Variants in FAM149B1 observed in about 807,000 individuals in gnomAD.
FAM149B1 encodes family with sequence similarity 149 member B1.
FAM149B1 carries 56 observed loss-of-function variants against 75.3 expected under a neutral mutation model. The ratio of observed to expected loss-of-function variants is 0.74; its 90% CI spans 0.60 to 0.93. The LOEUF is 0.93. Ranked by LOEUF, FAM149B1 falls within the 40% of genes least tolerant of loss-of-function variation. The pLI is 0.00. For missense variants in FAM149B1, 639 were observed against 708.4 expected, an observed-to-expected ratio of 0.90 and a Z score of 1.11; for synonymous variants, 259 against 256.1, an observed-to-expected ratio of 1.01 and a Z score of -0.11.
At chr10:73,224,184 G>A (rs2043481195) in intron 7 of FAM149B1, among the ~76,000 whole-genome samples, 1 of 152,102 alleles carries the variant, frequency 6.6e-6, no homozygotes, top group Non-Finnish European at 1.5e-5. Flanking sequence ...AGAGGCTGGT[G>A]GTAAAGATTT....
rs774172961 is a variant in FAM149B1 at position 73,230,457 on chromosome 10, T to C, written c.1059T>C (p.Asn353=). The change falls in exon 9 of 14, where the codon AAT becomes AAC. Residue 353 remains asparagine, a synonymous_variant. Coordinates refer to ENST00000242505, the MANE Select transcript of FAM149B1 (RefSeq NM_173348.2). ...GTCAAGCAAGCAGACATCAGCCAAA[T>C]GTGAATGATCTCTTGGTTCATGGAA... ...SLCQASRHQP[N]VNDLLVHGMP... The C allele has an allele frequency of 1.9e-6, 3 of 1,550,142 alleles. No homozygotes were observed. The highest frequency in any genetic ancestry group is 1.4e-5 in the African/African-American group (1 of 72,992).
Position 73,235,559 on chromosome 10 carries a change from T to C in FAM149B1, c.1602+241T>C. 1.3e-5 allele frequency: 10 copies of C among 789,530 alleles called. 1 individual carries two copies. The highest frequency in any genetic ancestry group is 8.9e-4 in the Middle Eastern group (2 of 2,258). 48.9% of individuals were successfully genotyped at this position (789,530 alleles called of 1,614,324 possible). On this transcript the variant is annotated intron_variant, in intron 12 of 13. Transcript: ENST00000242505. ...TCTAAGCAATTTAACACTTAAGATA[T>C]GTCTGACCACAAGCAAGAATATTAA...
In FAM149B1 at chr10:73,233,093, C is replaced by T. The variant is rs776595563; in HGVS notation, c.1282C>T (p.Pro428Ser). ...CAATCCACCACCACGAACTCTTCAT[C>T]CGATCAGCACGAGCCATTCATGTGC... ...RRNPPPRTLHPISTSHSCAET... is the reference protein window; with the variant it reads ...RRNPPPRTLHSISTSHSCAET... The change falls in exon 10 of 14, where the codon CCG (proline) becomes TCG (serine). Residue 428 changes from proline to serine, a missense_variant. Transcript: ENST00000242505. The T allele has an allele frequency of 1.1e-5, 17 of 1,551,702 alleles. No homozygotes were observed. The highest frequency in any genetic ancestry group is 1.5e-5 in the Non-Finnish European group (17 of 1,146,998).
chr10:73,201,446 G>T (rs2042936396), intron 5 of FAM149B1, among the ~76,000 whole-genome samples: 1 of 152,158 alleles, frequency 6.6e-6, no homozygotes, highest in African/African-American at 2.4e-5. Context: ...GTTAGGATAG[G>T]TATAAAAGAT....
At chr10:73,170,838 G>T (rs534949506) in intron 1 of FAM149B1, among the ~76,000 whole-genome samples, 88 of 152,188 alleles carry the variant, frequency 5.8e-4, no homozygotes, top group South Asian at 6.2e-4. Flanking sequence ...AGTGACTGAG[G>T]TTTAGCTAAA....
At chr10:73,225,661 T>C (rs1035872895) in intron 7 of FAM149B1, among the ~76,000 whole-genome samples, 3 of 152,226 alleles carry the variant, frequency 2.0e-5, no homozygotes, top group African/African-American at 7.2e-5. Flanking sequence ...ACAGTGTTTA[T>C]AGACAGTCCA....
At chr10:73,173,376 T>C (rs1843798311) in intron 1 of FAM149B1, among the ~76,000 whole-genome samples, 2 of 152,208 alleles carry the variant, frequency 1.3e-5, no homozygotes, top group Non-Finnish European at 2.9e-5. Flanking sequence ...TATAGTTCTT[T>C]CTATGCAATT....
At chr10:73,212,304 G>C (rs773266641) in intron 7 of FAM149B1, among the ~76,000 whole-genome samples, 1 of 152,158 alleles carries the variant, frequency 6.6e-6, no homozygotes, top group African/African-American at 2.4e-5. Context: ...TTTTGAGACA[G>C]AGTTTCACTC....
At position 73,241,478 on chromosome 10, in the gene FAM149B1, C is replaced by G. The variant is rs1377517912; in HGVS notation, c.*459C>G. 1 of 171,046 alleles carries G rather than the reference C, an allele frequency of 5.8e-6. No homozygotes were observed. The highest frequency in any genetic ancestry group is 1.3e-5 in the Non-Finnish European group (1 of 79,008). 10.6% of individuals were successfully genotyped at this position (171,046 alleles called of 1,614,324 possible). A position where few individuals can be genotyped will look rare whatever the true frequency, so the allele number is the denominator to read the frequency against. ...TTTAAGTCATTTTGCTGTTGAAAAT[C>G]TGACCTCATCAAATAGATGTCATTC... On this transcript the variant is annotated 3_prime_UTR_variant, in exon 14 of 14. Transcript: ENST00000242505.
At chr10:73,201,471 T>G (rs1421129183) in intron 5 of FAM149B1, among the ~76,000 whole-genome samples, 3 of 152,248 alleles carry the variant, frequency 2.0e-5, no homozygotes, top group Admixed American at 6.5e-5. Flanking sequence ...TCTAAAATTT[T>G]TCTTTCTTAG....
intron 5 of FAM149B1, among the ~76,000 whole-genome samples, chr10:73,198,716 A>G (rs2042863384): frequency 6.6e-6 from 1 of 152,164 alleles, no homozygotes; most frequent in Non-Finnish European, 1.5e-5. Context: ...GAGGCAGGAG[A>G]ATTGCTTGAA....
chr10:73,226,364 G>C lies in FAM149B1; in HGVS notation c.899-1696G>C, dbSNP rs12220285. ...TACTAAAAATACAAAAATTAAGCGGGTGTGGTGGCGGGCACCTGTAGTCCC... is the reference window on the plus strand; with the variant it reads ...TACTAAAAATACAAAAATTAAGCGGCTGTGGTGGCGGGCACCTGTAGTCCC... On this transcript the variant is annotated intron_variant, in intron 7 of 13. Coordinates refer to ENST00000242505, the MANE Select transcript of FAM149B1 (RefSeq NM_173348.2). Among the ~76,000 whole-genome samples, 3 of 152,250 alleles carry C rather than the reference G, an allele frequency of 2.0e-5. No individual in the cohort carries two copies. In the East Asian group the frequency reaches 5.8e-4, roughly 29 times the overall value.
At position 73,241,361 on chromosome 10, in the gene FAM149B1, C is replaced by T. The variant is rs2043948219; in HGVS notation, c.*342C>T. Reference sequence around the variant, plus strand: ...AATCATATAGGATTTGATGAGCTCACACATACACAAAAAGCAGCAAATCAT... The same window carrying T: ...AATCATATAGGATTTGATGAGCTCATACATACACAAAAAGCAGCAAATCAT... On this transcript the variant is annotated 3_prime_UTR_variant, in exon 14 of 14. Coordinates refer to ENST00000242505, the MANE Select transcript of FAM149B1 (RefSeq NM_173348.2). 2 of 249,396 alleles carry T rather than the reference C, an allele frequency of 8.0e-6. No homozygotes were observed. Among genetic ancestry groups the T allele is most frequent in the South Asian group, 4.9e-5 (1 of 20,326 alleles). 15.4% of individuals were successfully genotyped at this position (249,396 alleles called of 1,614,324 possible).
intron 3 of FAM149B1, among the ~76,000 whole-genome samples, chr10:73,179,173 C>T (rs2042334274): frequency 6.6e-6 from 1 of 152,080 alleles, no homozygotes; most frequent in African/African-American, 2.4e-5. Flanking sequence ...CCATGTTGGC[C>T]AGGATGGTCT....
intron 7 of FAM149B1, among the ~76,000 whole-genome samples, chr10:73,223,809 A>G (rs1368829940): frequency 6.6e-6 from 1 of 151,684 alleles, no homozygotes. Context: ...ATATTATATG[A>G]GGTTAATTTT....
chr10:73,243,289 A>C lies in FAM149B1; in HGVS notation c.*2270A>C, dbSNP rs144235571. The C allele has an allele frequency of 3.1e-5, 39 of 1,256,272 alleles. No homozygotes were observed. In the African/African-American group the frequency reaches 4.9e-4, roughly 16 times the overall value. The allele number at this position is 1,256,272 out of a possible 1,614,324, so 77.8% of individuals were successfully genotyped here. A position where few individuals can be genotyped will look rare whatever the true frequency, so the allele number is the denominator to read the frequency against. ...AGTCAATCTGAAAAATTCAGGCTGG[A>C]AAGACACCTTTTCTCAAGAGCTGAA... is the stretch of plus-strand genomic sequence containing the variant. On this transcript the variant is annotated 3_prime_UTR_variant, in exon 14 of 14. Coordinates refer to ENST00000242505, the MANE Select transcript of FAM149B1 (RefSeq NM_173348.2).
At chr10:73,180,376 G>T (rs928483429) in intron 3 of FAM149B1, among the ~76,000 whole-genome samples, 6 of 152,222 alleles carry the variant, frequency 3.9e-5, no homozygotes, top group African/African-American at 9.6e-5. Context: ...AAGCACAAAT[G>T]AGATTAGAGA....
At chr10:73,221,294 T>A (rs1010172941) in intron 7 of FAM149B1, among the ~76,000 whole-genome samples, 6 of 152,212 alleles carry the variant, frequency 3.9e-5, no homozygotes, top group South Asian at 2.1e-4. Context: ...TTTAAAAAAA[T>A]TTTTAAAATT....
intron 3 of FAM149B1, among the ~76,000 whole-genome samples, chr10:73,185,816 A>G (rs114699915): frequency 1.4e-3 from 218 of 152,344 alleles, no homozygotes; most frequent in African/African-American, 3.5e-3. Flanking sequence ...GAATTTAACA[A>G]TGCCACAAGG....
Sources: gnomAD v4.1 joint callset for allele counts (sites outside exome capture counted in the v4.1 genomes callset) on GRCh38, gnomAD v4.1.1 for gene constraint, MANE v1.5 for transcripts, NCBI Gene and HGNC (gene_info 2026-07-23, HGNC 2026-07-21) for gene names.